The following PPA1 variants were observed in gnomAD, a reference collection of about 807,000 sequenced individuals.
PPA1 encodes inorganic pyrophosphatase 1.
Under a neutral mutation model 41.8 loss-of-function variants are expected in PPA1, and 23 were observed. That is an observed-to-expected ratio of 0.55 (90% confidence interval 0.40 to 0.78). PPA1 has a LOEUF of 0.78. PPA1 is among the 30% of genes least tolerant of loss of function. The pLI is 0.00. For missense variants in PPA1, 320 were observed against 361.6 expected, an observed-to-expected ratio of 0.89 and a Z score of 0.93; for synonymous variants, 101 against 116.8, an observed-to-expected ratio of 0.86 and a Z score of 0.87.
At position 70,230,351 on chromosome 10, in the gene PPA1, T is replaced by A; in HGVS notation, c.113A>T (p.Tyr38Phe). The change falls in exon 2 of 11, where the codon TAT becomes TTT. Residue 38 changes from tyrosine (Y) to phenylalanine (F), a missense_variant. By Grantham distance (22) the Tyr-to-Phe change is conservative. Transcript: ENST00000373232. ...YISPFHDIPI[Y>F]ADKDVFHMVV... ...ACAAGGATGCCTTACCTTATCTGCATAAATTGGAATATCATGAAATGGAGA... is the reference window on the plus strand; with the variant it reads ...ACAAGGATGCCTTACCTTATCTGCAAAAATTGGAATATCATGAAATGGAGA... The A allele has an allele frequency of 6.2e-7, 1 of 1,613,362 alleles. No homozygotes were observed. The highest frequency in any genetic ancestry group is 8.5e-7 in the Non-Finnish European group (1 of 1,179,592).
intron 2 of PPA1, among the ~76,000 whole-genome samples, chr10:70,228,374 A>G (rs1356140286): frequency 6.6e-6 from 1 of 152,170 alleles, no homozygotes; most frequent in Non-Finnish European, 1.5e-5. Flanking sequence ...CACTTAGAAC[A>G]CTGGGAAAAT....
At chr10:70,222,335 CAAAAAAA>C (rs67974203) in intron 2 of PPA1, among the ~76,000 whole-genome samples, 4 of 73,166 alleles carry the variant, frequency 5.5e-5, no homozygotes, top group Admixed American at 1.9e-4. Flanking sequence ...GACTCCGTCT[CAAAAAAA>C]AAAAAAAAAA....
chr10:70,215,538 T>C (rs1176239971), intron 4 of PPA1, among the ~76,000 whole-genome samples: 1 of 152,076 alleles, frequency 6.6e-6, no homozygotes, highest in Non-Finnish European at 1.5e-5. Flanking sequence ...TGGAGTGCAG[T>C]GGCGCAATCT....
intron 1 of PPA1, among the ~76,000 whole-genome samples, chr10:70,231,774 G>T (rs1259936199): frequency 2.0e-5 from 3 of 150,056 alleles, no homozygotes; most frequent in African/African-American, 7.6e-5. Flanking sequence ...GTTCCAGAGA[G>T]TTCCACTTGA....
intron 5 of PPA1, 82 bp from the exon 6 acceptor site, chr10:70,213,671 G>C (rs772134258): frequency 1.4e-6 from 2 of 1,453,728 alleles, no homozygotes; most frequent in Non-Finnish European, 1.9e-6. Flanking sequence ...CAGGAAATAA[G>C]AAAGAGGCCA....
chr10:70,209,444 CTG>C (rs1462602369), intron 7 of PPA1, 112 bp downstream of exon 7: 6 of 1,361,324 alleles, frequency 4.4e-6, no homozygotes, highest in East Asian at 2.3e-5. Context: ...AACACCAAGA[CTG>C]TGTTATGTTT....
At chr10:70,232,652 C>T (rs1436555717) in intron 1 of PPA1, among the ~76,000 whole-genome samples, 1 of 152,154 alleles carries the variant, frequency 6.6e-6, no homozygotes, top group African/African-American at 2.4e-5. Context: ...AGGAGCATTC[C>T]CAGCATCGGC....
At chr10:70,206,891 GGAGGGGAGGA>G (rs1839950100) in intron 8 of PPA1, among the ~76,000 whole-genome samples, 2 of 110,746 alleles carry the variant, frequency 1.8e-5, no homozygotes, top group East Asian at 3.2e-4. Flanking sequence ...GGAGGGGAGG[GGAGGGGAGGA>G]GAGGACGAAA....
intron 2 of PPA1, among the ~76,000 whole-genome samples, chr10:70,221,974 T>C (rs1368545981): frequency 1.3e-5 from 2 of 152,012 alleles, no homozygotes. Context: ...GAAGAAAACA[T>C]CCTTCAGAAA....
rs11538283 is a variant in PPA1, at chr10:70,209,261, A to T, written c.669T>A (p.Thr223=). ...TCACTAATGCTTTCCAATGGTCATGAGTGCTTTTAATAATATCAATGGCAA... is the reference window on the plus strand; with the variant it reads ...TCACTAATGCTTTCCAATGGTCATGTGTGCTTTTAATAATATCAATGGCAA... The part of the protein sequence containing the change: ...KDFAIDIIKS[T]HDHWKALVTK... Residue 223 remains threonine, a synonymous_variant, in exon 8 of 11, where the codon ACT becomes ACA. Transcript: ENST00000373232. 0.019 allele frequency: 31,057 copies of T among 1,600,016 alleles called. 798 individuals carry two copies. Among genetic ancestry groups the T allele is most frequent in the African/African-American group, 0.12 (9,113 of 74,566 alleles).
At chr10:70,222,453 G>A (rs114208921) in intron 2 of PPA1, among the ~76,000 whole-genome samples, 105 of 151,906 alleles carry the variant, frequency 6.9e-4, no homozygotes, top group African/African-American at 2.3e-3. Context: ...TGAACCACCA[G>A]GATGTGCCAG....
intron 2 of PPA1, 115 bp from the exon 3 acceptor site, chr10:70,218,932 T>C (rs1255719722): frequency 2.7e-5 from 20 of 727,904 alleles, no homozygotes; most frequent in African/African-American, 3.6e-5. Context: ...TTGAAGTCAA[T>C]TGGATTTTCA....
rs1425990428 is a variant in PPA1, at chr10:70,233,386, A to G, written c.-59T>C. ...AGCCACCAGCCCGCACGCGGCGCCG[A>G]CTGACAAGGAGAGAGCCCCACGCCT... On this transcript the variant is annotated 5_prime_UTR_variant, in exon 1 of 11. Coordinates refer to ENST00000373232, the MANE Select transcript of PPA1 (RefSeq NM_021129.4). 6.6e-7 allele frequency: 1 copy of G among 1,523,830 alleles called. No individual in the cohort carries two copies. The highest frequency in any genetic ancestry group is 8.8e-7 in the Non-Finnish European group (1 of 1,140,064). 94.4% of individuals were successfully genotyped at this position (1,523,830 alleles called of 1,614,324 possible). A position where few individuals can be genotyped will look rare whatever the true frequency, so the allele number is the denominator to read the frequency against.
chr10:70,215,301 G>A (rs566260921), intron 4 of PPA1, among the ~76,000 whole-genome samples: 2 of 152,156 alleles, frequency 1.3e-5, no homozygotes, highest in South Asian at 2.1e-4. Context: ...TGTTGCCCAG[G>A]CTGGTCTCAA....
At chr10:70,224,285 A>G (rs12768084) in intron 2 of PPA1, among the ~76,000 whole-genome samples, 1 of 151,460 alleles carries the variant, frequency 6.6e-6, no homozygotes, top group African/African-American at 2.4e-5. Flanking sequence ...CCCTTCCCAG[A>G]TTTACAATCA....
At chr10:70,226,674 T>A (rs1840233667) in intron 2 of PPA1, among the ~76,000 whole-genome samples, 1 of 152,208 alleles carries the variant, frequency 6.6e-6, no homozygotes, top group Non-Finnish European at 1.5e-5. Context: ...TTTTCCTGTC[T>A]TTACAAAATC....
chr10:70,209,780 C>T (rs1351701200), intron 6 of PPA1, 95 bp from the exon 7 acceptor site: 2 of 1,370,084 alleles, frequency 1.5e-6, no homozygotes, highest in Non-Finnish European at 2.0e-6. Flanking sequence ...AATAATTATA[C>T]ACTCAACAAA....
intron 4 of PPA1, among the ~76,000 whole-genome samples, chr10:70,216,783 A>G (rs1337817523): frequency 6.6e-6 from 1 of 152,242 alleles, no homozygotes; most frequent in African/African-American, 2.4e-5. Context: ...CTCATTATAG[A>G]TAAGATCCTA....
chr10:70,220,775 A>ATT lies in PPA1; in HGVS notation c.124-1959_124-1958insAA, dbSNP rs1491428371. On this transcript the variant is annotated intron_variant, in intron 2 of 10. Coordinates refer to ENST00000373232, the MANE Select transcript of PPA1 (RefSeq NM_021129.4). ...TAATATATATAATTTATATATATAT[A>ATT]ATATATATAATTTATATATATATAA... is the stretch of plus-strand genomic sequence containing the variant. 2.5e-4 allele frequency among the ~76,000 whole-genome samples: 3 copies of ATT among 12,100 alleles called. 1 individual carries two copies. Among genetic ancestry groups the ATT allele is most frequent in the African/African-American group, 7.6e-4 (3 of 3,942 alleles). 7.9% of individuals were successfully genotyped at this position (12,100 alleles called of 152,430 possible). A position where few individuals can be genotyped will look rare whatever the true frequency, so the allele number is the denominator to read the frequency against.
Sources: gnomAD v4.1 joint callset for allele counts (sites outside exome capture counted in the v4.1 genomes callset) on GRCh38, gnomAD v4.1.1 for gene constraint, MANE v1.5 for transcripts, NCBI Gene and HGNC (gene_info 2026-07-23, HGNC 2026-07-21) for gene names.